The following LHB variants were observed in gnomAD, a reference collection of about 807,000 sequenced individuals.
The protein encoded by LHB is luteinizing hormone subunit beta.
LHB carries 11 observed loss-of-function variants against 10.6 expected under a neutral mutation model. That is an observed-to-expected ratio of 1.04 (90% confidence interval 0.66 to 1.72). The LOEUF is 1.72. LHB is among the 40% of genes most tolerant of loss of function. LHB has a pLI of 0.00. For missense variants in LHB, 184 were observed against 197.3 expected (o/e 0.93, Z 0.41); for synonymous variants, 86 against 83.1 (o/e 1.03, Z -0.19).
At position 49,016,536 on chromosome 19, in the gene LHB, A is replaced by G. The variant is rs2387588; in HGVS notation, c.183+11T>C. The G allele has an allele frequency of 0.59, 815,883 of 1,375,700 alleles. 273,177 individuals carry two copies. The highest frequency in any genetic ancestry group is 0.73 in the African/African-American group (51,977 of 70,852). 85.2% of individuals were successfully genotyped at this position (1,375,700 alleles called of 1,614,324 possible). ...GGTGGCAGCATCTGCCCCTGGCCCC[A>G]GGCAGCTCACCATGGTGGGGCAGTA... On this transcript the variant is annotated intron_variant, in intron 2 of 2. Transcript: ENST00000649238.
chr19:49,018,441 T>C (rs1294111326), upstream of LHB: 14 of 715,974 alleles, frequency 2.0e-5, no homozygotes, highest in Non-Finnish European at 2.7e-5. Flanking sequence ...CTCCTGCATT[T>C]CCAGGCGAGC....
chr19:49,016,285 G>T lies in LHB; in HGVS notation c.209C>A (p.Pro70Gln). 1 of 1,611,702 alleles carries T rather than the reference G, an allele frequency of 6.2e-7. No individual in the cohort carries two copies. The change falls in exon 3 of 3, where the codon CCG becomes CAG. Residue 70 changes from proline (P) to glutamine (Q), a missense_variant. Transcript: ENST00000649238. ...TMMRVLQAVL[P>Q]PLPQVVCTYR... is the part of the protein sequence containing the mutation. ...GGTGCACACCACCTGAGGCAGGGGC[G>T]GCAGGACCGCCTGCAGCACGCGCAT...
At chr19:49,018,961 G>A (rs1326358791), upstream of LHB, 23 of 1,533,788 alleles carry the variant, frequency 1.5e-5, no homozygotes, top group East Asian at 4.9e-5. Context: ...GTGAAAGGCC[G>A]GCCAGACAGC....
upstream of LHB, chr19:49,019,134 C>G (rs2039599051): frequency 7.0e-7 from 1 of 1,427,958 alleles, no homozygotes; most frequent in Non-Finnish European, 9.1e-7. Context: ...ACACCCCGCC[C>G]CAGGGTTAGA....
At chr19:49,019,127 C>T, upstream of LHB, 6 of 1,429,574 alleles carry the variant, frequency 4.2e-6, no homozygotes, top group African/African-American at 1.4e-5. Flanking sequence ...GGCCCTCACA[C>T]CCCGCCCCAG....
upstream of LHB, chr19:49,019,024 C>T: frequency 6.6e-7 from 1 of 1,524,610 alleles, no homozygotes; most frequent in East Asian, 2.5e-5. Context: ...GGGGAGGAGG[C>T]ATACCCAAGA....
rs371411755 is a variant in LHB, at chr19:49,016,056, C to G, written c.*12G>C. 12 of 1,613,610 alleles carry G rather than the reference C, an allele frequency of 7.4e-6. No individual in the cohort carries two copies. The highest frequency in any genetic ancestry group is 2.2e-5 in the East Asian group (1 of 44,886). ...GAGTCGGGATGGACTTGGAAGGCTG[C>G]GGGGAGGGTCTTTAGAGGAAGAGGA... On this transcript the variant is annotated 3_prime_UTR_variant, in exon 3 of 3. Coordinates refer to ENST00000649238, the MANE Select transcript of LHB (RefSeq NM_000894.3).
chr19:49,018,984 G>A (rs974860845), upstream of LHB: 26 of 1,533,208 alleles, frequency 1.7e-5, no homozygotes, highest in African/African-American at 3.3e-4. Context: ...GGGGTTCTTC[G>A]TCCAGGCAAT....
upstream of LHB, chr19:49,017,770 A>G: frequency 7.4e-6 from 3 of 408,140 alleles, no homozygotes; most frequent in East Asian, 3.6e-5. Flanking sequence ...CTGCAAGGAC[A>G]TTATCTGGAC....
At chr19:49,017,494 C>A (rs1235925104), upstream of LHB, 5 of 1,141,864 alleles carry the variant, frequency 4.4e-6, no homozygotes, top group Non-Finnish European at 5.4e-6. Flanking sequence ...CACAGTCCAA[C>A]CTAACAGGAG....
upstream of LHB, chr19:49,017,609 C>G: frequency 1.9e-6 from 2 of 1,059,516 alleles, no homozygotes; most frequent in Non-Finnish European, 2.3e-6. Flanking sequence ...AGGGATTAAG[C>G]CCGAGCCCCA....
At position 49,016,982 on chromosome 19, in the gene LHB, C is replaced by A. The variant is rs559192446; in HGVS notation, c.15+85G>T. On this transcript the variant is annotated intron_variant, in intron 1 of 2. Coordinates refer to ENST00000649238, the MANE Select transcript of LHB (RefSeq NM_000894.3). ...TGCCCCTCCAGAAAGAGGCCTCCTTCCACAGCTCACACGGGTCTGCCCCTT... is the reference window on the plus strand; with the variant it reads ...TGCCCCTCCAGAAAGAGGCCTCCTTACACAGCTCACACGGGTCTGCCCCTT... The A allele has an allele frequency of 1.1e-4, 171 of 1,611,460 alleles. No individual in the cohort carries two copies. In the African/African-American group the frequency reaches 1.7e-3, roughly 16 times the overall value.
upstream of LHB, chr19:49,018,769 T>C (rs191320567): frequency 5.6e-4 from 575 of 1,027,066 alleles, 3 homozygotes; most frequent in African/African-American, 8.5e-3. Context: ...AAGTCGAGGC[T>C]GAGACCACCG....
At chr19:49,019,317 T>G, upstream of LHB, 1 of 1,187,414 alleles carries the variant, frequency 8.4e-7, no homozygotes, top group Non-Finnish European at 1.1e-6. Flanking sequence ...ACCGTCTTGG[T>G]GTGGCCACTG....
chr19:49,018,071 C>G, upstream of LHB: 1 of 398,816 alleles, frequency 2.5e-6, no homozygotes. Flanking sequence ...CGGGCCGCCC[C>G]AGGGCGCCTC....
chr19:49,017,580 G>C (rs2039578925), upstream of LHB: 16 of 1,093,018 alleles, frequency 1.5e-5, no homozygotes, highest in Non-Finnish European at 1.8e-5. Context: ...GAAGCCACTT[G>C]ACCCAGATGC....
At chr19:49,017,535 G>A (rs1433618831), upstream of LHB, 81 of 1,112,892 alleles carry the variant, frequency 7.3e-5, no homozygotes, top group Admixed American at 1.8e-3. Context: ...CTTCTGCCCA[G>A]TGAGAGAGGG....
chr19:49,016,486 G>C, intron 2 of LHB, 61 bp downstream of exon 2: 1 of 1,603,216 alleles, frequency 6.2e-7, no homozygotes, highest in Non-Finnish European at 8.5e-7. Context: ...TTCCTCCCCC[G>C]CTGCCTCTGT....
At position 49,016,704 on chromosome 19, in the gene LHB, A is replaced by G; in HGVS notation, c.26T>C (p.Leu9Pro). Residue 9 changes from leucine (L) to proline (P), a missense_variant, in exon 2 of 3, where the codon CTG (leucine) becomes CCG (proline). By Grantham distance (98) the Leu-to-Pro change is moderately conservative (BLOSUM62 -3). Coordinates refer to ENST00000649238, the MANE Select transcript of LHB (RefSeq NM_000894.3). The stretch of plus-strand genomic sequence containing the variant: ...CCCGCCCATGCTCAGCAGCAGCAAC[A>G]GCAGCAGCCCCTGGGACAAGGACAC... MEMLQGLL[L>P]LLLLSMGGAW... is the part of the protein sequence containing the mutation. 1.2e-6 allele frequency: 2 copies of G among 1,611,332 alleles called. No homozygotes were observed. Among genetic ancestry groups the G allele is most frequent in the Non-Finnish European group, 8.5e-7 (1 of 1,179,796 alleles).
Sources: gnomAD v4.1 joint callset for allele counts on GRCh38, gnomAD v4.1.1 for gene constraint, MANE v1.5 for transcripts, NCBI Gene and HGNC (gene_info 2026-07-23, HGNC 2026-07-21) for gene names.